FGF14: variants seen among roughly 807,000 people sequenced by gnomAD.
FGF14 encodes the protein fibroblast growth factor homologous factor 4.
FGF14 carries 5 observed loss-of-function variants against 25.5 expected under a neutral mutation model. The ratio of observed to expected loss-of-function variants is 0.20; its 90% CI spans 0.10 to 0.41. The LOEUF is 0.41. Ranked by LOEUF, FGF14 falls within the 10% of genes least tolerant of loss-of-function variation. FGF14 has a pLI of 1.00. For missense variants in FGF14, 222 were observed against 320.1 expected, an observed-to-expected ratio of 0.69 and a Z score of 2.34; for synonymous variants, 138 against 118.3, an observed-to-expected ratio of 1.17 and a Z score of -1.08.
At chr13:101,817,735 G>GCACTCAGGGTGC (rs1438240175) in intron 3 of FGF14, among the ~76,000 whole-genome samples, 17 of 152,270 alleles carry the variant, frequency 1.1e-4, no homozygotes, top group Admixed American at 7.8e-4. Context: ...GACCTCAACA[G>GCACTCAGGGTGC]CACTCAGGGT....
At chr13:101,748,267 G>A (rs2037023446) in intron 3 of FGF14, among the ~76,000 whole-genome samples, 1 of 151,812 alleles carries the variant, frequency 6.6e-6, no homozygotes, top group East Asian at 1.9e-4. Context: ...ACATATATAT[G>A]TATCACACAC....
intron 1 of FGF14, among the ~76,000 whole-genome samples, chr13:102,186,053 T>A (rs1361475265): frequency 6.6e-6 from 1 of 152,196 alleles, no homozygotes; most frequent in African/African-American, 2.4e-5. Context: ...CACATTTCCT[T>A]GAGTGCAGCT....
chr13:102,235,704 A>G (rs2051297446), intron 1 of FGF14, among the ~76,000 whole-genome samples: 1 of 152,172 alleles, frequency 6.6e-6, no homozygotes, highest in Non-Finnish European at 1.5e-5. Context: ...AGGCAACTGG[A>G]TATTTTGATG....
intron 3 of FGF14, among the ~76,000 whole-genome samples, chr13:101,727,344 A>G (rs117737493): frequency 0.01 from 1,578 of 152,244 alleles, 17 homozygotes; most frequent in South Asian, 0.028. Flanking sequence ...CTTGCCAGCC[A>G]CTAGAGCTAT....
In FGF14 at chr13:102,281,691, T is replaced by TC. The variant is rs879327183; in HGVS notation, c.208+119779_208+119780insG. Among the ~76,000 whole-genome samples, 112 of 127,168 alleles carry TC rather than the reference T, an allele frequency of 8.8e-4. 2 individuals are homozygous for TC. In the Middle Eastern group the frequency reaches 0.013, roughly 14 times the overall value. The allele number at this position is 127,168 out of a possible 152,430, so 83.4% of individuals were successfully genotyped here. ...CCACTATTGCTCTGATCCTAACTTC[T>TC]TTTTTTTTTTTTTTTTTAAGTTCAG... On this transcript the variant is annotated intron_variant, in intron 1 of 4. Transcript: ENST00000376131.
chr13:102,177,494 C>T (rs575076240), intron 1 of FGF14, among the ~76,000 whole-genome samples: 24 of 152,254 alleles, frequency 1.6e-4, no homozygotes, highest in African/African-American at 5.8e-4. Flanking sequence ...AAATCATCAG[C>T]TTTTTCAATT....
At chr13:101,922,859 G>C (rs544937388) in intron 1 of FGF14, among the ~76,000 whole-genome samples, 8 of 149,136 alleles carry the variant, frequency 5.4e-5, no homozygotes, top group Non-Finnish European at 1.2e-4. Flanking sequence ...TCCTTCAAAT[G>C]AACAAAAAAA....
chr13:101,978,731 TC>T (rs1411219275), intron 1 of FGF14, among the ~76,000 whole-genome samples: 1 of 152,200 alleles, frequency 6.6e-6, no homozygotes, highest in African/African-American at 2.4e-5. Context: ...TCAGAGTAGC[TC>T]CACTGAAATG....
intron 1 of FGF14, among the ~76,000 whole-genome samples, chr13:101,910,837 CGTGTGT>C (rs59758881): frequency 0.15 from 19,017 of 129,038 alleles, 1,347 homozygotes; most frequent in Middle Eastern, 0.19. Context: ...GATTTGGATT[CGTGTGT>C]GTGTGTGTGT....
intron 1 of FGF14, among the ~76,000 whole-genome samples, chr13:102,199,095 G>C (rs552510776): frequency 6.6e-6 from 1 of 152,284 alleles, no homozygotes; most frequent in African/African-American, 2.4e-5. Context: ...AGTTTGTAAA[G>C]ATGTGTAGGT....
At chr13:102,278,649 T>TACAC (rs200087985) in intron 1 of FGF14, among the ~76,000 whole-genome samples, 2,214 of 148,920 alleles carry the variant, frequency 0.015, 60 homozygotes, top group African/African-American at 0.053. Flanking sequence ...TATATATACA[T>TACAC]ACACACACAT....
chr13:102,251,941 C>T (rs2052197091), intron 1 of FGF14, among the ~76,000 whole-genome samples: 1 of 152,058 alleles, frequency 6.6e-6, no homozygotes, highest in East Asian at 1.9e-4. Context: ...TTCTTTGTTC[C>T]TCTGCATCTC....
chr13:101,914,464 A>G (rs16959459), intron 1 of FGF14, among the ~76,000 whole-genome samples: 3,865 of 152,146 alleles, frequency 0.025, 168 homozygotes, highest in African/African-American at 0.087. Flanking sequence ...GTCCAAAGTA[A>G]GGTAGAAAAG....
At chr13:101,844,213 G>A (rs973212314) in intron 3 of FGF14, among the ~76,000 whole-genome samples, 6 of 151,942 alleles carry the variant, frequency 3.9e-5, no homozygotes, top group African/African-American at 1.2e-4. Flanking sequence ...TAACAATTGG[G>A]GGATTTACTA....
At chr13:102,101,106 C>A (rs1342928284) in intron 1 of FGF14, among the ~76,000 whole-genome samples, 1 of 150,828 alleles carries the variant, frequency 6.6e-6, no homozygotes, top group Non-Finnish European at 1.5e-5. Flanking sequence ...CTCCCGCAAC[C>A]CCAGGAAAAA....
At chr13:102,029,098 G>T (rs569991008) in intron 1 of FGF14, among the ~76,000 whole-genome samples, 19 of 151,990 alleles carry the variant, frequency 1.3e-4, no homozygotes, top group Non-Finnish European at 2.5e-4. Flanking sequence ...TGGTAACTTC[G>T]CTGGCTTGGA....
chr13:102,294,808 T>G (rs895414336), intron 1 of FGF14, among the ~76,000 whole-genome samples: 2 of 152,178 alleles, frequency 1.3e-5, no homozygotes, highest in African/African-American at 4.8e-5. Context: ...GAACCATCTG[T>G]GTGACCTCTA....
At chr13:101,927,819 C>A (rs1308197874) in intron 1 of FGF14, among the ~76,000 whole-genome samples, 1 of 152,134 alleles carries the variant, frequency 6.6e-6, no homozygotes, top group Non-Finnish European at 1.5e-5. Flanking sequence ...GGGGCTCCAC[C>A]TCCCCAGAGC....
chr13:102,194,696 G>A (rs2049273665), intron 1 of FGF14, among the ~76,000 whole-genome samples: 1 of 151,934 alleles, frequency 6.6e-6, no homozygotes, highest in South Asian at 2.1e-4. Context: ...AATATTTGAG[G>A]AAACAGTAAC....
Sources: allele counts gnomAD v4.1 joint callset (sites outside exome capture counted in the v4.1 genomes callset), GRCh38; gene constraint gnomAD v4.1.1; transcripts MANE v1.5; gene names NCBI Gene and HGNC (gene_info 2026-07-23, HGNC 2026-07-21).